Variants in CSMD1 observed in about 807,000 individuals in gnomAD.
CSMD1 encodes the protein CUB and sushi domain-containing protein 1.
CSMD1 carries 213 observed loss-of-function variants against 417.5 expected under a neutral mutation model. The observed-to-expected ratio is 0.51, with a 90% CI of 0.46 to 0.57. CSMD1 has a LOEUF of 0.57. CSMD1 is among the 20% of genes least tolerant of loss of function. The pLI is 0.00. For missense variants in CSMD1, 6,923 were observed against 4,529.7 expected (o/e 1.53, Z -15.17); for synonymous variants, 2,862 against 1,736.8 (o/e 1.65, Z -16.11).
chr8:4,898,701 T>A (rs560724580), intron 1 of CSMD1, among the ~76,000 whole-genome samples: 1 of 152,308 alleles, frequency 6.6e-6, no homozygotes, highest in East Asian at 1.9e-4. Context: ...CGAAATGGAA[T>A]AGATTTTATT....
At chr8:4,138,382 G>C (rs1189319749) in intron 3 of CSMD1, among the ~76,000 whole-genome samples, 3 of 152,040 alleles carry the variant, frequency 2.0e-5, no homozygotes, top group African/African-American at 4.8e-5. Flanking sequence ...TACCTGCTCT[G>C]GCACTTTGCC....
At chr8:4,039,478 G>A (rs976946865) in intron 3 of CSMD1, among the ~76,000 whole-genome samples, 1 of 152,186 alleles carries the variant, frequency 6.6e-6, no homozygotes, top group Non-Finnish European at 1.5e-5. Flanking sequence ...CTCTTTACTG[G>A]CTCTCTGAAT....
intron 3 of CSMD1, among the ~76,000 whole-genome samples, chr8:4,336,946 T>C (rs774044843): frequency 6.6e-6 from 1 of 152,004 alleles, no homozygotes; most frequent in African/African-American, 2.4e-5. Flanking sequence ...TAGGCTACAA[T>C]GTTGAAATGG....
At chr8:3,605,332 G>A (rs1216065222) in intron 8 of CSMD1, among the ~76,000 whole-genome samples, 2 of 152,192 alleles carry the variant, frequency 1.3e-5, no homozygotes, top group Admixed American at 6.5e-5. Context: ...TTACTCCCTG[G>A]TTTCTACACA....
chr8:4,613,496 T>C lies in CSMD1; in HGVS notation c.302+23846A>G, dbSNP rs562417960. Among the ~76,000 whole-genome samples, 15 of 152,290 alleles carry C rather than the reference T, an allele frequency of 9.8e-5. No individual in the cohort carries two copies. The South Asian group carries it at 2.9e-3, about 29-fold the overall frequency. On this transcript the variant is annotated intron_variant, in intron 2 of 69. Coordinates refer to ENST00000635120, the MANE Select transcript of CSMD1 (RefSeq NM_033225.6). ...ATGGCCTGGAAGAGCATACTTACAC[T>C]ACTAGTGTGGCAGGCTCTCATCAGA...
At chr8:3,322,615 T>C (rs761585504) in intron 23 of CSMD1, among the ~76,000 whole-genome samples, 5 of 152,150 alleles carry the variant, frequency 3.3e-5, no homozygotes, top group African/African-American at 7.2e-5. Flanking sequence ...CAGGTTCCAG[T>C]AAAGTGACCA....
At chr8:3,404,772 T>C (rs907267311) in intron 15 of CSMD1, among the ~76,000 whole-genome samples, 1 of 139,064 alleles carries the variant, frequency 7.2e-6, no homozygotes, top group African/African-American at 2.5e-5. Flanking sequence ...TTATGACACA[T>C]GTGCCTGCAT....
intron 10 of CSMD1, among the ~76,000 whole-genome samples, chr8:3,502,470 C>G (rs1319010683): frequency 6.6e-6 from 1 of 151,962 alleles, no homozygotes; most frequent in Non-Finnish European, 1.5e-5. Flanking sequence ...ACCAATATGT[C>G]CTTCAGCAGG....
At chr8:3,780,023 G>C (rs1404033039) in intron 5 of CSMD1, among the ~76,000 whole-genome samples, 1 of 152,102 alleles carries the variant, frequency 6.6e-6, no homozygotes, top group Non-Finnish European at 1.5e-5. Flanking sequence ...CATGTTCCTG[G>C]TATTCACACT....
intron 20 of CSMD1, among the ~76,000 whole-genome samples, chr8:3,362,926 A>C (rs1809293201): frequency 6.6e-6 from 1 of 152,188 alleles, no homozygotes; most frequent in African/African-American, 2.4e-5. Context: ...CTTTCAAGTA[A>C]ACATTGAAAA....
At position 4,105,189 on chromosome 8, in the gene CSMD1, C is replaced by T. The variant is rs1158201; in HGVS notation, c.416-73090G>A. On this transcript the variant is annotated intron_variant, in intron 3 of 69. Coordinates refer to ENST00000635120, the MANE Select transcript of CSMD1 (RefSeq NM_033225.6). ...ATCCATTCCATGGATGCCATACATC[C>T]TAAGATTATTCCAAGGGCAGAAAAA... is the stretch of plus-strand genomic sequence containing the variant. Among the ~76,000 whole-genome samples, 185 of 152,224 alleles carry T rather than the reference C, an allele frequency of 1.2e-3. 2 individuals carry two copies. In the East Asian group the frequency reaches 0.021, roughly 17 times the overall value.
At chr8:3,326,359 A>C (rs150671802) in intron 23 of CSMD1, among the ~76,000 whole-genome samples, 11 of 152,244 alleles carry the variant, frequency 7.2e-5, no homozygotes, top group African/African-American at 2.6e-4. Context: ...GGTACCTTCC[A>C]CCTTCCTCCC....
intron 11 of CSMD1, among the ~76,000 whole-genome samples, chr8:3,485,550 G>GAGAC: frequency 6.6e-6 from 1 of 151,134 alleles, no homozygotes; most frequent in South Asian, 2.1e-4. Flanking sequence ...GAGAGAGAGA[G>GAGAC]AGAGAGAGAG....
intron 18 of CSMD1, among the ~76,000 whole-genome samples, chr8:3,377,155 C>T (rs1197248530): frequency 6.6e-6 from 1 of 152,176 alleles, no homozygotes; most frequent in Admixed American, 6.6e-5. Flanking sequence ...ACTATAGGCA[C>T]ATGCCAATAC....
chr8:3,330,586 G>A (rs1172801676), intron 23 of CSMD1, among the ~76,000 whole-genome samples: 1 of 152,102 alleles, frequency 6.6e-6, no homozygotes, highest in Non-Finnish European at 1.5e-5. Context: ...CAGACCCTGG[G>A]GCCTATTGGA....
intron 1 of CSMD1, among the ~76,000 whole-genome samples, chr8:4,723,189 C>T (rs1809178477): frequency 6.6e-6 from 1 of 152,048 alleles, no homozygotes; most frequent in South Asian, 2.1e-4. Flanking sequence ...ATGGGGAACC[C>T]GCCAGGAAGT....
chr8:4,831,618 A>T (rs1176320826), intron 1 of CSMD1, among the ~76,000 whole-genome samples: 1 of 151,874 alleles, frequency 6.6e-6, no homozygotes, highest in African/African-American at 2.4e-5. Flanking sequence ...ACCTGGTGAC[A>T]CTCTTTCTTT....
intron 11 of CSMD1, among the ~76,000 whole-genome samples, chr8:3,474,939 A>C (rs567706654): frequency 6.3e-4 from 96 of 152,194 alleles, no homozygotes; most frequent in Non-Finnish European, 1.1e-3. Context: ...GAAATAAGCC[A>C]TCATATTGTA....
At chr8:3,548,251 C>G (rs1427232064) in intron 10 of CSMD1, among the ~76,000 whole-genome samples, 3 of 152,292 alleles carry the variant, frequency 2.0e-5, no homozygotes, top group African/African-American at 7.2e-5. Flanking sequence ...TCTGCCCTTC[C>G]TCACTCTCTG....
Sources: gnomAD v4.1 joint callset for allele counts (sites outside exome capture counted in the v4.1 genomes callset) on GRCh38, gnomAD v4.1.1 for gene constraint, MANE v1.5 for transcripts, NCBI Gene and HGNC (gene_info 2026-07-23, HGNC 2026-07-21) for gene names.